NDUFS5: variants seen among roughly 807,000 people sequenced by gnomAD.
NDUFS5 encodes the protein NADH:ubiquinone oxidoreductase subunit S5.
Under a neutral mutation model 10.5 loss-of-function variants are expected in NDUFS5, and 7 were observed. That is an observed-to-expected ratio of 0.66 (90% CI 0.38 to 1.25). NDUFS5 has a LOEUF of 1.25. NDUFS5 is among the 50% of genes most tolerant of loss of function. NDUFS5 has a pLI of 0.02. For synonymous variants in NDUFS5, 38 were observed against 44.0 expected, an observed-to-expected ratio of 0.86 and a Z score of 0.54; for missense variants, 148 against 140.7, an observed-to-expected ratio of 1.05 and a Z score of -0.26.
intron 1 of NDUFS5, among the ~76,000 whole-genome samples, chr1:39,028,208 G>T (rs1644165954): frequency 6.7e-6 from 1 of 148,856 alleles, no homozygotes; most frequent in Non-Finnish European, 1.5e-5. Context: ...AAGGCGGGCG[G>T]ATCACCTGAG....
intron 2 of NDUFS5, 51 bp downstream of exon 2, chr1:39,028,991 ACT>A: frequency 7.1e-7 from 1 of 1,403,136 alleles, no homozygotes; most frequent in South Asian, 1.3e-5. Context: ...TTCCTTTGGG[ACT>A]CTTTTTTTTT....
Position 39,028,881 on chromosome 1 carries a change from G to A in NDUFS5, c.157G>A (p.Glu53Lys), listed in dbSNP as rs1360477180. The A allele has an allele frequency of 6.2e-7, 1 of 1,614,096 alleles. No homozygotes were observed. Among genetic ancestry groups the A allele is most frequent in the South Asian group, 1.1e-5 (1 of 91,078 alleles). Residue 53 changes from glutamate to lysine, a missense_variant, in exon 2 of 3, where the codon GAG becomes AAG. Glu to Lys is a moderately conservative substitution (Grantham distance 56). Coordinates refer to ENST00000372969, the MANE Select transcript of NDUFS5 (RefSeq NM_004552.3). ...ACATGGAATCGGTTATACTCGGGCA[G>A]AGAAAGAGTGCAAGATAGAATATGA... ...CAHGIGYTRA[E>K]KECKIEYDDF... is the part of the protein sequence containing the mutation.
intron 2 of NDUFS5, among the ~76,000 whole-genome samples, chr1:39,030,294 A>T (rs1298863280): frequency 1.3e-5 from 2 of 149,690 alleles, no homozygotes; most frequent in Admixed American, 1.3e-4. Flanking sequence ...AATCTCAGCT[A>T]CTCAGGAGGG....
At chr1:39,029,121 T>A (rs1644173107) in intron 2 of NDUFS5, among the ~76,000 whole-genome samples, 181 bp downstream of exon 2, 1 of 151,452 alleles carries the variant, frequency 6.6e-6, no homozygotes, top group African/African-American at 2.4e-5. Flanking sequence ...GCCTCCCGAG[T>A]AGCTGGGATT....
chr1:39,028,616 C>A, intron 1 of NDUFS5, 107 bp from the exon 2 acceptor site: 1 of 978,946 alleles, frequency 1.0e-6, no homozygotes, highest in Non-Finnish European at 1.6e-6. Flanking sequence ...AAACAGTGTT[C>A]TAGAGGGCTA....
intron 2 of NDUFS5, 34 bp from the exon 3 acceptor site, chr1:39,034,358 C>T (rs747002367): frequency 6.2e-7 from 1 of 1,600,944 alleles, no homozygotes; most frequent in Non-Finnish European, 8.6e-7. Flanking sequence ...CACATATCTC[C>T]TCCCTCAGTT....
intron 2 of NDUFS5, among the ~76,000 whole-genome samples, chr1:39,032,671 A>AAAAT (rs947923718): frequency 2.0e-5 from 3 of 152,154 alleles, no homozygotes; most frequent in African/African-American, 7.2e-5. Flanking sequence ...ATAACAAGTA[A>AAAAT]AAATACAGGT....
chr1:39,027,581 G>GTGTTTTTTTTTT (rs1644158638), intron 1 of NDUFS5, among the ~76,000 whole-genome samples: 1 of 91,134 alleles, frequency 1.1e-5, no homozygotes, highest in Non-Finnish European at 2.2e-5. Flanking sequence ...TTTCGCTCTG[G>GTGTTTTTTTTTT]TTTTTTTTTT....
intron 2 of NDUFS5, among the ~76,000 whole-genome samples, chr1:39,031,639 A>G (rs941396725): frequency 6.6e-6 from 1 of 152,106 alleles, no homozygotes; most frequent in Non-Finnish European, 1.5e-5. Context: ...TGAGCAAGTC[A>G]CTTTCTCTTA....
At chr1:39,034,174 G>C (rs986270021) in intron 2 of NDUFS5, among the ~76,000 whole-genome samples, 1 of 152,136 alleles carries the variant, frequency 6.6e-6, no homozygotes, top group African/African-American at 2.4e-5. Context: ...CATTTTAGTT[G>C]TTAGTTTTCA....
intron 2 of NDUFS5, among the ~76,000 whole-genome samples, chr1:39,032,941 T>C (rs537758427): frequency 2.0e-5 from 3 of 152,282 alleles, no homozygotes; most frequent in South Asian, 4.1e-4. Flanking sequence ...TTGTAAACCA[T>C]GATAAGGATT....
chr1:39,026,497 C>T (rs540782570), intron 1 of NDUFS5, 95 bp downstream of exon 1: 2 of 152,572 alleles, frequency 1.3e-5, no homozygotes, highest in South Asian at 4.1e-4. Flanking sequence ...TGTGTGTCCC[C>T]TTCTCCCAGA....
Position 39,028,716 on chromosome 1 carries a change from A to G in NDUFS5, c.-2-7A>G, listed in dbSNP as rs781588486. On this transcript the variant is annotated splice_polypyrimidine_tract_variant and splice_region_variant and intron_variant, in intron 1 of 2. Coordinates refer to ENST00000372969, the MANE Select transcript of NDUFS5 (RefSeq NM_004552.3). ...ATTTACTTATTTTTTTAAATCTTCC[A>G]TTACAGCCATGCCTTTCTTGGACAT... 12 of 1,613,320 alleles carry G rather than the reference A, an allele frequency of 7.4e-6. No individual in the cohort carries two copies. The African/African-American group carries it at 1.5e-4, about 20-fold the overall frequency.
At chr1:39,032,483 T>G (rs1644196097) in intron 2 of NDUFS5, among the ~76,000 whole-genome samples, 1 of 152,164 alleles carries the variant, frequency 6.6e-6, no homozygotes, top group African/African-American at 2.4e-5. Context: ...TCTTTAAGGT[T>G]AATGAGACGT....
chr1:39,029,811 G>A (rs1644177384), intron 2 of NDUFS5, among the ~76,000 whole-genome samples: 1 of 152,180 alleles, frequency 6.6e-6, no homozygotes, highest in Non-Finnish European at 1.5e-5. Context: ...TGAATGAGTT[G>A]GCCAGGCACG....
chr1:39,028,493 T>C (rs964052513), intron 1 of NDUFS5, among the ~76,000 whole-genome samples: 2 of 152,150 alleles, frequency 1.3e-5, no homozygotes, highest in Non-Finnish European at 2.9e-5. Flanking sequence ...TCTTTAGTTA[T>C]AGTTCTCTTT....
chr1:39,032,867 A>T (rs968945261), intron 2 of NDUFS5, among the ~76,000 whole-genome samples: 1 of 149,278 alleles, frequency 6.7e-6, no homozygotes, highest in Non-Finnish European at 1.5e-5. Flanking sequence ...GCAAGTGCAA[A>T]GGTCCCTGAG....
Position 39,034,486 on chromosome 1 carries a change from C to T in NDUFS5, c.311C>T (p.Pro104Leu). The change falls in exon 3 of 3, where the codon CCT (proline) becomes CTT (leucine). Residue 104 changes from proline to leucine, a missense_variant. Transcript: ENST00000372969. ...PPPHHIGKGE[P>L]RP The stretch of plus-strand genomic sequence containing the variant: ...CCTCACCACATTGGCAAGGGGGAGC[C>T]TCGGCCCTGAACAGAGCAGCTGCTG... The T allele has an allele frequency of 1.2e-6, 2 of 1,613,436 alleles. No homozygotes were observed. The highest frequency in any genetic ancestry group is 2.2e-5 in the South Asian group (2 of 91,056).
intron 1 of NDUFS5, 150 bp from the exon 2 acceptor site, chr1:39,028,573 A>C (rs1454463042): frequency 1.3e-6 from 1 of 749,498 alleles, no homozygotes; most frequent in Admixed American, 2.6e-5. Context: ...TTAATGAAAA[A>C]GTTTGGTGAG....
Sources: allele counts gnomAD v4.1 joint callset (sites outside exome capture counted in the v4.1 genomes callset), GRCh38; gene constraint gnomAD v4.1.1; transcripts MANE v1.5; gene names NCBI Gene and HGNC (gene_info 2026-07-23, HGNC 2026-07-21).